PACRG: variants seen among roughly 807,000 people sequenced by gnomAD.
The protein encoded by PACRG is parkin coregulated.
In PACRG, 29 loss-of-function variants were observed where a neutral mutation model predicts 29.7. The ratio of observed to expected loss-of-function variants is 0.98; its 90% CI spans 0.73 to 1.33. PACRG has a LOEUF of 1.33. Among genes scored for constraint, PACRG ranks in the 40% most tolerant of loss-of-function variants. PACRG has a pLI of 0.00. For missense variants in PACRG, 279 were observed against 316.2 expected (o/e 0.88, Z 0.89); for synonymous variants, 116 against 118.7 (o/e 0.98, Z 0.15).
chr6:163,182,685 G>A (rs1438572426), intron 4 of PACRG: 1 of 152,194 alleles, frequency 6.6e-6, no homozygotes, highest in Non-Finnish European at 1.5e-5. Context: ...CATAAATGTA[G>A]CATTTTCACC....
At chr6:162,864,945 T>A (rs1381128677) in intron 2 of PACRG, among the ~76,000 whole-genome samples, 1 of 152,222 alleles carries the variant, frequency 6.6e-6, no homozygotes, top group Non-Finnish European at 1.5e-5. Flanking sequence ...AATATTTTTT[T>A]AACCAAAGAA....
chr6:163,227,671 C>T (rs1781858971), intron 4 of PACRG, among the ~76,000 whole-genome samples: 1 of 152,140 alleles, frequency 6.6e-6, no homozygotes, highest in African/African-American at 2.4e-5. Context: ...GACTACAAAG[C>T]TTTAACACCC....
rs558005025 is a variant in PACRG at position 162,844,269 on chromosome 6, C to T, written c.291+29988C>T. On this transcript the variant is annotated intron_variant, in intron 2 of 4. Coordinates refer to ENST00000366888, the MANE Select transcript of PACRG (RefSeq NM_001080379.2). ...AGCGAGACTCCGTGGGCGTAGGACC[C>T]TCCGAGCCAGGTGCGGGATATAATC... 1.8e-3 allele frequency among the ~76,000 whole-genome samples: 279 copies of T among 152,332 alleles called. 1 individual carries two copies. Among genetic ancestry groups the T allele is most frequent in the African/African-American group, 6.3e-3 (260 of 41,576 alleles).
intron 2 of PACRG, among the ~76,000 whole-genome samples, chr6:163,052,250 A>T (rs1387801563): frequency 6.6e-6 from 1 of 152,202 alleles, no homozygotes; most frequent in African/African-American, 2.4e-5. Flanking sequence ...GAAACGTCAC[A>T]ATAAGTCTAA....
intron 4 of PACRG, among the ~76,000 whole-genome samples, chr6:163,092,965 T>C (rs948896347): frequency 2.0e-5 from 3 of 152,230 alleles, no homozygotes; most frequent in Non-Finnish European, 4.4e-5. Flanking sequence ...GTGAGTGGCA[T>C]GTGGCCTCCC....
chr6:163,208,585 C>T (rs1374318197), intron 4 of PACRG, among the ~76,000 whole-genome samples: 3 of 152,118 alleles, frequency 2.0e-5, no homozygotes, highest in African/African-American at 2.4e-5. Flanking sequence ...GCTAAGCACA[C>T]GTTTGGATTT....
chr6:162,995,770 C>A (rs186159516), intron 2 of PACRG, among the ~76,000 whole-genome samples: 1 of 152,310 alleles, frequency 6.6e-6, no homozygotes, highest in African/African-American at 2.4e-5. Flanking sequence ...CCTAGTACTT[C>A]CTTATTTTTA....
intron 2 of PACRG, among the ~76,000 whole-genome samples, chr6:162,855,464 AATT>A (rs1217164471): frequency 3.3e-5 from 5 of 152,182 alleles, no homozygotes; most frequent in African/African-American, 9.7e-5. Context: ...CTGATGAAGG[AATT>A]ATTATAGCCA....
chr6:163,260,972 G>GCGTTGAAATGGATC (rs11269115), intron 4 of PACRG, among the ~76,000 whole-genome samples: 49,085 of 151,658 alleles, frequency 0.32, 8,543 homozygotes, highest in Non-Finnish European at 0.39. Flanking sequence ...TCTAAATAAT[G>GCGTTGAAATGGATC]CATTGTCATC....
intron 2 of PACRG, among the ~76,000 whole-genome samples, chr6:162,959,492 G>A (rs959073112): frequency 2.6e-5 from 4 of 152,140 alleles, no homozygotes; most frequent in Admixed American, 6.5e-5. Context: ...TGGAGTCACT[G>A]CTGGGGCAAT....
chr6:163,172,155 G>A (rs1303183802), intron 4 of PACRG, among the ~76,000 whole-genome samples: 1 of 152,146 alleles, frequency 6.6e-6, no homozygotes, highest in Non-Finnish European at 1.5e-5. Flanking sequence ...TTAAAACAAG[G>A]CCAAGTGCCT....
chr6:162,944,316 G>GA (rs1313854489), intron 2 of PACRG, among the ~76,000 whole-genome samples: 5 of 152,068 alleles, frequency 3.3e-5, no homozygotes, highest in Admixed American at 2.6e-4. Flanking sequence ...ACATCTTGAG[G>GA]AAAAAATCCT....
intron 1 of PACRG, among the ~76,000 whole-genome samples, chr6:162,736,468 G>A (rs1584180981): frequency 6.6e-6 from 1 of 152,074 alleles, no homozygotes; most frequent in East Asian, 1.9e-4. Context: ...TTGGCAGGGA[G>A]AAAATGTGTA....
intron 4 of PACRG, among the ~76,000 whole-genome samples, chr6:163,163,187 AG>A (rs1443249004): frequency 6.6e-6 from 1 of 152,142 alleles, no homozygotes; most frequent in East Asian, 1.9e-4. Context: ...GCTCCCACCT[AG>A]GGGTTTTCAA....
At chr6:162,914,038 G>T (rs1796507588) in intron 2 of PACRG, among the ~76,000 whole-genome samples, 1 of 151,890 alleles carries the variant, frequency 6.6e-6, no homozygotes, top group Non-Finnish European at 1.5e-5. Context: ...TTTTCTTAAG[G>T]CTCTGCAAAA....
intron 2 of PACRG, among the ~76,000 whole-genome samples, chr6:163,014,303 G>A (rs1220284679): frequency 6.6e-6 from 1 of 152,166 alleles, no homozygotes; most frequent in Non-Finnish European, 1.5e-5. Flanking sequence ...TGTGAAAAGT[G>A]CTGCAATAAG....
chr6:162,897,857 G>A lies in PACRG; in HGVS notation c.291+83576G>A, dbSNP rs76690825. ...GCCCTGGACCATTCTGGGATGCGTCGTCAAGGCTGGTGCTTCTGCGGGAGG... is the reference window on the plus strand; with the variant it reads ...GCCCTGGACCATTCTGGGATGCGTCATCAAGGCTGGTGCTTCTGCGGGAGG... On this transcript the variant is annotated intron_variant, in intron 2 of 4. Coordinates refer to ENST00000366888, the MANE Select transcript of PACRG (RefSeq NM_001080379.2). Among the ~76,000 whole-genome samples the A allele has an allele frequency of 2.5e-3, 388 of 152,272 alleles. 7 individuals are homozygous for A. In the East Asian group the frequency reaches 0.059, roughly 23 times the overall value.
At chr6:163,279,737 G>A (rs1784165375) in intron 4 of PACRG, among the ~76,000 whole-genome samples, 1 of 152,026 alleles carries the variant, frequency 6.6e-6, no homozygotes, top group African/African-American at 2.4e-5. Context: ...ACTCTTTCCT[G>A]TATTTTTTTC....
At chr6:162,880,780 T>A (rs1240622268) in intron 2 of PACRG, among the ~76,000 whole-genome samples, 1 of 152,176 alleles carries the variant, frequency 6.6e-6, no homozygotes, top group Non-Finnish European at 1.5e-5. Flanking sequence ...CTACCTGAAA[T>A]CATCTTCCGA....
Sources: allele counts gnomAD v4.1 joint callset (sites outside exome capture counted in the v4.1 genomes callset), GRCh38; gene constraint gnomAD v4.1.1; transcripts MANE v1.5; gene names NCBI Gene and HGNC (gene_info 2026-07-23, HGNC 2026-07-21).